The following DMD variants were observed in gnomAD, a reference collection of about 807,000 sequenced individuals.
DMD encodes the protein dystrophin.
A neutral mutation model predicts 330.1 loss-of-function variants in DMD; 63 were observed. The observed-to-expected ratio is 0.19, with a 90% CI of 0.16 to 0.24. The LOEUF is 0.24. Among genes scored for constraint, DMD ranks in the 10% least tolerant of loss-of-function variants. The pLI, the probability that DMD is intolerant of heterozygous loss-of-function variation, is 1.00. For missense variants in DMD, 3,344 were observed against 2,684.1 expected (o/e 1.25, Z -5.43); for synonymous variants, 1,223 against 959.8 (o/e 1.27, Z -5.07).
chrX:31,146,810 C>T (rs1281660208), intron 75 of DMD, among the ~76,000 whole-genome samples: 2 of 111,284 alleles, frequency 1.8e-5, no homozygotes, highest in African/African-American at 6.5e-5. Flanking sequence ...TTTAAAATTC[C>T]CAGAAAGCCA....
chrX:31,178,162 A>G (rs1168455469), intron 70 of DMD, 192 bp from the exon 71 acceptor site: 1 of 751,680 alleles, frequency 1.3e-6, no homozygotes, highest in Non-Finnish European at 1.6e-6. Context: ...GTTAAGGCAA[A>G]AAAGAGGAGC....
intron 60 of DMD, among the ~76,000 whole-genome samples, chrX:31,381,767 T>C (rs979319227): frequency 4.5e-5 from 5 of 112,014 alleles, no homozygotes; most frequent in African/African-American, 6.5e-5. Flanking sequence ...GCCACTAGCC[T>C]GCCTCTTAGA....
intron 55 of DMD, among the ~76,000 whole-genome samples, chrX:31,518,517 A>G (rs1396673139): frequency 9.0e-6 from 1 of 111,135 alleles, no homozygotes; most frequent in Non-Finnish European, 1.9e-5. Context: ...AAAAGTCTAC[A>G]ATGTTGAAGG....
intron 60 of DMD, among the ~76,000 whole-genome samples, chrX:31,378,783 T>C (rs1179737920): frequency 9.1e-6 from 1 of 109,437 alleles, no homozygotes; most frequent in African/African-American, 3.3e-5. Context: ...CCTTCCACCC[T>C]CCATTCCTCC....
At chrX:31,740,457 G>T (rs1390336954) in intron 51 of DMD, among the ~76,000 whole-genome samples, 1 of 111,593 alleles carries the variant, frequency 9.0e-6, no homozygotes, top group Non-Finnish European at 1.9e-5. Context: ...ACAATATATA[G>T]GACTGCCTTG....
chrX:32,128,497 G>A (rs1239601850), intron 44 of DMD, among the ~76,000 whole-genome samples: 1 of 111,918 alleles, frequency 8.9e-6, no homozygotes, highest in Non-Finnish European at 1.9e-5. Flanking sequence ...CAAGCCAATC[G>A]ATTGACATTT....
At chrX:32,085,298 T>G (rs181061448) in intron 44 of DMD, among the ~76,000 whole-genome samples, 124 of 110,260 alleles carry the variant, frequency 1.1e-3, no homozygotes, top group Non-Finnish European at 1.8e-3. Flanking sequence ...TTAAATAATT[T>G]TTTATTTGTA....
At chrX:33,275,291 GAAAGAGA>G (rs749001894) in intron 1 of DMD, among the ~76,000 whole-genome samples, 1,173 of 111,485 alleles carry the variant, frequency 0.011, 19 homozygotes, top group African/African-American at 0.037. Flanking sequence ...TCACACATGG[GAAAGAGA>G]AAACCTGGCT....
At chrX:31,366,486 A>T (rs2059246498) in intron 60 of DMD, among the ~76,000 whole-genome samples, 1 of 101,149 alleles carries the variant, frequency 9.9e-6, no homozygotes, top group Admixed American at 1.1e-4. Flanking sequence ...AAAAAAAAAA[A>T]AAAAAAAAAA....
chrX:33,062,809 T>G (rs1337715185), intron 1 of DMD, among the ~76,000 whole-genome samples: 1 of 112,537 alleles, frequency 8.9e-6, no homozygotes, highest in Non-Finnish European at 1.9e-5. Context: ...AGCAACTTCT[T>G]TCCCCACATG....
chrX:31,773,724 C>CTTTTTTT (rs762551529), intron 51 of DMD, among the ~76,000 whole-genome samples: 1 of 53,555 alleles, frequency 1.9e-5, no homozygotes, highest in Non-Finnish European at 3.4e-5. Flanking sequence ...AAGGTTTCTG[C>CTTTTTTT]TTTTTTTTTT....
intron 1 of DMD, among the ~76,000 whole-genome samples, chrX:33,031,915 G>GA (rs35713832): frequency 8.9e-6 from 1 of 112,436 alleles, no homozygotes; most frequent in African/African-American, 3.2e-5. Flanking sequence ...GTAAAGCATC[G>GA]AAAGTAGTCT....
intron 54 of DMD, among the ~76,000 whole-genome samples, chrX:31,644,247 A>G (rs1569164781): frequency 8.9e-6 from 1 of 111,994 alleles, no homozygotes; most frequent in East Asian, 2.8e-4. Flanking sequence ...ACTTACTAGA[A>G]CTATTTGAAA....
At chrX:32,978,477 T>A (rs945225481) in intron 2 of DMD, among the ~76,000 whole-genome samples, 3 of 112,011 alleles carry the variant, frequency 2.7e-5, no homozygotes, top group African/African-American at 6.5e-5. Context: ...TAAAAATTTA[T>A]CTTTTTTTTT....
chrX:33,179,175 G>T (rs946770490), intron 1 of DMD, among the ~76,000 whole-genome samples: 7 of 111,886 alleles, frequency 6.3e-5, no homozygotes, highest in African/African-American at 2.3e-4. Flanking sequence ...ATGGAACCAT[G>T]CAGATTTGAA....
chrX:31,689,286 T>G (rs1411765977), intron 52 of DMD, among the ~76,000 whole-genome samples: 1 of 112,127 alleles, frequency 8.9e-6, no homozygotes, highest in Non-Finnish European at 1.9e-5. Context: ...GGATATAAAA[T>G]CAATGTGCAA....
chrX:33,189,844 A>G (rs1056877433), intron 1 of DMD, among the ~76,000 whole-genome samples: 2 of 112,079 alleles, frequency 1.8e-5, no homozygotes, highest in Admixed American at 9.5e-5. Context: ...ATCTCTTTAA[A>G]TGAATGAAAT....
chrX:32,100,014 G>A (rs2096532160), intron 44 of DMD, among the ~76,000 whole-genome samples: 1 of 110,442 alleles, frequency 9.1e-6, no homozygotes, highest in African/African-American at 3.3e-5. Context: ...TGTGACCTCG[G>A]GCATAACTAA....
At chrX:31,494,498 G>A (rs951536465) in intron 57 of DMD, among the ~76,000 whole-genome samples, 2 of 111,629 alleles carry the variant, frequency 1.8e-5, no homozygotes, top group Non-Finnish European at 3.8e-5. Context: ...TGAAATTCAC[G>A]AAAGGTTAAC....
Sources: gnomAD v4.1 joint callset for allele counts (sites outside exome capture counted in the v4.1 genomes callset) on GRCh38, gnomAD v4.1.1 for gene constraint, MANE v1.5 for transcripts, NCBI Gene and HGNC (gene_info 2026-07-23, HGNC 2026-07-21) for gene names.